The following PKIB variants were observed in gnomAD, a reference collection of about 807,000 sequenced individuals.
PKIB encodes PKI-beta.
PKIB carries 2 observed loss-of-function variants against 4.5 expected under a neutral mutation model. That is an observed-to-expected ratio of 0.44 (90% CI 0.18 to 1.39). PKIB has a LOEUF of 1.39. PKIB is among the 40% of genes most tolerant of loss of function. PKIB has a pLI of 0.27. For synonymous variants in PKIB, 38 were observed against 36.0 expected (o/e 1.06, Z -0.20); for missense variants, 94 against 92.6 (o/e 1.02, Z -0.06).
chr6:122,517,273 T>C (rs1776787754), intron 2 of PKIB, among the ~76,000 whole-genome samples: 1 of 152,202 alleles, frequency 6.6e-6, no homozygotes, highest in African/African-American at 2.4e-5. Context: ...CCTTCAGGCA[T>C]TATTCAACCC....
At chr6:122,538,450 T>G (rs878975168) in intron 2 of PKIB, among the ~76,000 whole-genome samples, 56 of 152,070 alleles carry the variant, frequency 3.7e-4, no homozygotes, top group African/African-American at 1.3e-3. Flanking sequence ...TTTCCCCATT[T>G]CTTGTTTTTG....
intron 2 of PKIB, among the ~76,000 whole-genome samples, chr6:122,516,697 A>G (rs1776765678): frequency 6.6e-6 from 1 of 152,174 alleles, no homozygotes; most frequent in Non-Finnish European, 1.5e-5. Context: ...CATAAAATTC[A>G]GCATTAAGTA....
chr6:122,645,919 C>T (rs377698438), intron 2 of PKIB, among the ~76,000 whole-genome samples: 2 of 151,904 alleles, frequency 1.3e-5, no homozygotes, highest in South Asian at 2.1e-4. Context: ...TTGTGCTTTA[C>T]TTTATTACTG....
At chr6:122,724,756 G>C (rs548403823) in intron 4 of PKIB, among the ~76,000 whole-genome samples, 53 of 152,222 alleles carry the variant, frequency 3.5e-4, no homozygotes, top group Admixed American at 3.3e-3. Flanking sequence ...TCCTGCATAG[G>C]GAATTGGCTA....
At chr6:122,579,740 A>T (rs190443304) in intron 2 of PKIB, among the ~76,000 whole-genome samples, 8 of 152,324 alleles carry the variant, frequency 5.3e-5, no homozygotes, top group African/African-American at 1.7e-4. Flanking sequence ...GTAAATAAAG[A>T]ATATTTTTAC....
chr6:122,553,238 A>G (rs1173334289), intron 2 of PKIB, among the ~76,000 whole-genome samples: 1 of 152,014 alleles, frequency 6.6e-6, no homozygotes, highest in Non-Finnish European at 1.5e-5. Context: ...CCTAACCTCT[A>G]AATACTCATT....
intron 2 of PKIB, among the ~76,000 whole-genome samples, chr6:122,552,007 C>T (rs1254441521): frequency 2.0e-5 from 3 of 150,476 alleles, no homozygotes; most frequent in East Asian, 2.0e-4. Flanking sequence ...TGTGCATTCT[C>T]GATGTCATGT....
intron 2 of PKIB, among the ~76,000 whole-genome samples, chr6:122,561,449 A>G (rs1773008408): frequency 6.6e-6 from 1 of 152,002 alleles, no homozygotes; most frequent in Non-Finnish European, 1.5e-5. Context: ...AAATTTATTG[A>G]GGCTCATTTT....
chr6:122,713,406 C>T (rs890796934), intron 3 of PKIB, among the ~76,000 whole-genome samples: 30 of 152,110 alleles, frequency 2.0e-4, no homozygotes, highest in African/African-American at 7.0e-4. Context: ...AATGAAAAGA[C>T]CCTCAAGTTA....
chr6:122,500,576 A>G (rs1200443036), intron 2 of PKIB, among the ~76,000 whole-genome samples: 1 of 152,234 alleles, frequency 6.6e-6, no homozygotes, highest in Non-Finnish European at 1.5e-5. Context: ...TGACTGCTCC[A>G]GAGGATTAAG....
intron 2 of PKIB, chr6:122,643,704 C>T (rs1347773499): frequency 2.0e-5 from 3 of 152,060 alleles, no homozygotes; most frequent in Non-Finnish European, 4.4e-5. Flanking sequence ...GAAATTTTAA[C>T]TATAGTCTTT....
chr6:122,686,602 GT>G (rs1778101262), intron 3 of PKIB, among the ~76,000 whole-genome samples: 2 of 151,894 alleles, frequency 1.3e-5, no homozygotes, highest in Middle Eastern at 3.4e-3. Context: ...GGCTCAAGCA[GT>G]CCCCCCACCT....
chr6:122,680,052 A>G (rs763587891), intron 3 of PKIB, among the ~76,000 whole-genome samples: 1 of 152,230 alleles, frequency 6.6e-6, no homozygotes, highest in Non-Finnish European at 1.5e-5. Context: ...TAGAACACAA[A>G]TAACTTGGGA....
chr6:122,512,238 G>T (rs1274318686), intron 2 of PKIB, among the ~76,000 whole-genome samples: 1 of 152,110 alleles, frequency 6.6e-6, no homozygotes, highest in Non-Finnish European at 1.5e-5. Context: ...AAATAACTAG[G>T]TTAGTTTCTT....
Position 122,694,937 on chromosome 6 carries a change from A to G in PKIB, c.-9+19793A>G, listed in dbSNP as rs56692604. Among the ~76,000 whole-genome samples, 990 of 152,316 alleles carry G rather than the reference A, an allele frequency of 6.5e-3. 10 individuals carry two copies. The highest frequency in any genetic ancestry group is 0.023 in the African/African-American group (942 of 41,568). ...TAGAAATGACTAAAAGGACTGGTAA[A>G]TAGAGTGTAGTCAGCTGTCAATTTC... On this transcript the variant is annotated intron_variant, in intron 3 of 4. Coordinates refer to ENST00000368452, the MANE Select transcript of PKIB (RefSeq NM_181795.3).
intron 4 of PKIB, among the ~76,000 whole-genome samples, chr6:122,719,714 C>CACAA (rs1779649626): frequency 2.9e-5 from 1 of 34,554 alleles, no homozygotes; most frequent in Non-Finnish European, 7.2e-5. Flanking sequence ...TCCCACCACA[C>CACAA]ATACACACAC....
In PKIB at chr6:122,597,288, C is replaced by T. The variant is rs544947433; in HGVS notation, c.-161+11281C>T. Among the ~76,000 whole-genome samples, 83 of 152,292 alleles carry T rather than the reference C, an allele frequency of 5.5e-4. 1 individual carries two copies. The highest frequency in any genetic ancestry group is 2.0e-3 in the African/African-American group (83 of 41,568). ...CTCTGAATAAGATTATGACATAAAG[C>T]TGGAGAGTTGATATAGCCCTAAGGT... On this transcript the variant is annotated intron_variant, in intron 3 of 6. Transcript: ENST00000392491.
rs1186060067 is a variant in PKIB at position 122,645,872 on chromosome 6, T to C, written c.-76+12505T>C. 2.0e-5 allele frequency among the ~76,000 whole-genome samples: 3 copies of C among 152,204 alleles called. No homozygotes were observed. In the East Asian group the frequency reaches 5.8e-4, roughly 29 times the overall value. ...TGCAGACTCATGTGATGGTCACCTT[T>C]TGAAAACTGAAAAACTCAAGTGTGT... On this transcript the variant is annotated intron_variant, in intron 2 of 4. Coordinates refer to ENST00000368452, the MANE Select transcript of PKIB (RefSeq NM_181795.3).
At chr6:122,694,887 A>G (rs1310427785) in intron 3 of PKIB, among the ~76,000 whole-genome samples, 1 of 152,130 alleles carries the variant, frequency 6.6e-6, no homozygotes, top group Non-Finnish European at 1.5e-5. Context: ...TTGACAGTAG[A>G]TGCATATTGA....
Sources: allele counts gnomAD v4.1 joint callset (sites outside exome capture counted in the v4.1 genomes callset), GRCh38; gene constraint gnomAD v4.1.1; transcripts MANE v1.5; gene names NCBI Gene and HGNC (gene_info 2026-07-23, HGNC 2026-07-21).